CNGB1: variants seen among roughly 807,000 people sequenced by gnomAD.
CNGB1 encodes the protein cyclic nucleotide-gated channel beta-1.
CNGB1 carries 126 observed loss-of-function variants against 151.7 expected under a neutral mutation model. The observed-to-expected ratio is 0.83, with a 90% CI of 0.72 to 0.96. CNGB1 has a LOEUF of 0.96. CNGB1 is among the 40% of genes least tolerant of loss of function. CNGB1 has a pLI of 0.00. For synonymous variants in CNGB1, 623 were observed against 635.1 expected, an observed-to-expected ratio of 0.98 and a Z score of 0.29; for missense variants, 1,698 against 1,627.0, an observed-to-expected ratio of 1.04 and a Z score of -0.75.
At chr16:57,964,799 C>T (rs1333830877) in intron 2 of CNGB1, among the ~76,000 whole-genome samples, 1 of 152,206 alleles carries the variant, frequency 6.6e-6, no homozygotes, top group Admixed American at 6.5e-5. Flanking sequence ...CCAAGCCTCC[C>T]AGGCCTACAA....
At position 57,916,165 on chromosome 16, in the gene CNGB1, G is replaced by A. The variant is rs184804201; in HGVS notation, c.2181C>T (p.Asp727=). 21 of 1,613,886 alleles carry A rather than the reference G, an allele frequency of 1.3e-5. No homozygotes were observed. The East Asian group carries it at 3.3e-4, about 26-fold the overall frequency. The change falls in exon 22 of 33, where the codon GAC becomes GAT. Residue 727 remains aspartate, a synonymous_variant. Transcript: ENST00000251102. ...GAGACTTCAGGTAGTTATTTCGCAT[G>A]TCCTTTTTGTCCGTCTGAAAGAAAG... ...RGGDIITDKK[D]MRNNYLKSRR...
chr16:57,910,923 A>G (rs1960693486), intron 25 of CNGB1, among the ~76,000 whole-genome samples: 1 of 152,056 alleles, frequency 6.6e-6, no homozygotes, highest in African/African-American at 2.4e-5. Flanking sequence ...GGCAAAATAA[A>G]CTTTCTAAAT....
chr16:57,966,098 C>T (rs761922151), intron 2 of CNGB1, among the ~76,000 whole-genome samples: 1 of 152,194 alleles, frequency 6.6e-6, no homozygotes, highest in Non-Finnish European at 1.5e-5. Context: ...CCACCCTCTG[C>T]GTCTAAGAAG....
intron 31 of CNGB1, among the ~76,000 whole-genome samples, chr16:57,891,768 G>A (rs1960098307): frequency 6.6e-6 from 1 of 152,108 alleles, no homozygotes; most frequent in Admixed American, 6.6e-5. Context: ...TGTTGGCCAG[G>A]CTGATCCTGA....
At chr16:57,901,761 T>A (rs1960399558) in intron 27 of CNGB1, 136 bp from the exon 28 acceptor site, 1 of 733,738 alleles carries the variant, frequency 1.4e-6, no homozygotes, top group Non-Finnish European at 2.4e-6. Flanking sequence ...GGATTTGTAG[T>A]GCACCCTCTC....
At position 57,884,449 on chromosome 16, in the gene CNGB1, G is replaced by A; in HGVS notation, c.3471C>T (p.Ser1157=). 1.2e-6 allele frequency: 2 copies of A among 1,613,564 alleles called. No individual in the cohort carries two copies. The highest frequency in any genetic ancestry group is 1.7e-6 in the Non-Finnish European group (2 of 1,179,836). The part of the protein sequence containing the change: ...KQQELVEQAK[S]SQDVKGEEGS... ...CTTCCTCTCCCTTGACGTCTTGCGA[G>A]CTCTTGGCCTGGAATCCAGAAAGGG... The change falls in exon 33 of 33, where the codon AGC becomes AGT. Residue 1157 remains serine, a synonymous_variant. Transcript: ENST00000251102.
In CNGB1 at chr16:57,947,145, A is replaced by G. The variant is rs182552676; in HGVS notation, c.1121+2208T>C. On this transcript the variant is annotated intron_variant, in intron 14 of 32. Transcript: ENST00000251102. ...TGTCTGTGTTGGTGTGCTGGTGCAT[A>G]TGGGTATAGTGCAGATATGTGTGTG... 2.7e-3 allele frequency among the ~76,000 whole-genome samples: 416 copies of G among 152,156 alleles called. 2 individuals are homozygous for G. The highest frequency in any genetic ancestry group is 0.019 in the South Asian group (92 of 4,828).
At chr16:57,924,236 GA>G (rs1459840229) in intron 17 of CNGB1, among the ~76,000 whole-genome samples, 9 of 152,208 alleles carry the variant, frequency 5.9e-5, no homozygotes, top group Admixed American at 4.6e-4. Flanking sequence ...CAGAGAGAAT[GA>G]ATTGGTTTAC....
At chr16:57,911,265 G>A (rs1440248245) in intron 25 of CNGB1, among the ~76,000 whole-genome samples, 1 of 152,170 alleles carries the variant, frequency 6.6e-6, no homozygotes, top group African/African-American at 2.4e-5. Context: ...CCTTAGCTTG[G>A]GGAAGATGTA....
In CNGB1 at chr16:57,952,954, C is replaced by T. The variant is rs549654632; in HGVS notation, c.875-2414G>A. Among the ~76,000 whole-genome samples, 13 of 152,308 alleles carry T rather than the reference C, an allele frequency of 8.5e-5. No homozygotes were observed. In the South Asian group the frequency reaches 2.7e-3, roughly 32 times the overall value. On this transcript the variant is annotated intron_variant, in intron 12 of 32. Coordinates refer to ENST00000251102, the MANE Select transcript of CNGB1 (RefSeq NM_001297.5). ...GATTGGGTATGCTGCCACACAGCCC[C>T]CAGGGCAGGCCCCCAGGAGGCGTGG...
intron 31 of CNGB1, among the ~76,000 whole-genome samples, chr16:57,893,830 A>C (rs562325867): frequency 3.3e-5 from 5 of 152,282 alleles, no homozygotes; most frequent in African/African-American, 1.2e-4. Context: ...AATTTACAGC[A>C]GCAAAGTAGG....
intron 16 of CNGB1, among the ~76,000 whole-genome samples, chr16:57,936,483 T>C (rs1961511420): frequency 6.6e-6 from 1 of 152,306 alleles, no homozygotes; most frequent in East Asian, 1.9e-4. Flanking sequence ...GAAAGGAATA[T>C]ATGTTTAACC....
At chr16:57,897,736 G>A in intron 30 of CNGB1, 60 bp downstream of exon 30, 1 of 1,576,314 alleles carries the variant, frequency 6.3e-7, no homozygotes, top group South Asian at 1.1e-5. Context: ...ACTGCCCGCT[G>A]GCCGCCTTCT....
chr16:57,941,823 T>C (rs185427158), intron 14 of CNGB1, among the ~76,000 whole-genome samples: 1 of 152,218 alleles, frequency 6.6e-6, no homozygotes, highest in East Asian at 1.9e-4. Context: ...TAGTTATTTA[T>C]TTTTCTTTTC....
At chr16:57,903,683 G>T (rs1960451022) in intron 27 of CNGB1, 139 bp downstream of exon 27, 3 of 1,095,252 alleles carry the variant, frequency 2.7e-6, no homozygotes, top group Non-Finnish European at 4.0e-6. Context: ...CAATGTTGGG[G>T]ACACAGCCAA....
intron 17 of CNGB1, among the ~76,000 whole-genome samples, chr16:57,929,029 C>A (rs1451918721): frequency 2.0e-5 from 3 of 152,148 alleles, no homozygotes; most frequent in Non-Finnish European, 4.4e-5. Flanking sequence ...TTATCTCCAT[C>A]TAAAAACTTC....
Position 57,884,256 on chromosome 16 carries a change from A to T in CNGB1, c.3664T>A (p.Ser1222Thr), listed in dbSNP as rs772230733. The T allele has an allele frequency of 4.3e-6, 7 of 1,613,500 alleles. No individual in the cohort carries two copies. In the African/African-American group the frequency reaches 9.4e-5, roughly 22 times the overall value. Residue 1222 changes from serine to threonine, a missense_variant, in exon 33 of 33, where the codon TCG becomes ACG. Coordinates refer to ENST00000251102, the MANE Select transcript of CNGB1 (RefSeq NM_001297.5). ...CCCGGGCTCATGCAGATCCTCACCG[A>T]GTGCTCTTCGGGCTCGGCCGGCCCC... ...EEGPAEPEEH[S>T]VRICMSPGPE...
intron 1 of CNGB1, among the ~76,000 whole-genome samples, chr16:57,969,976 A>G (rs954924305): frequency 2.6e-5 from 4 of 152,154 alleles, no homozygotes; most frequent in Non-Finnish European, 5.9e-5. Context: ...AGGGCAGCCC[A>G]GGCCCAGGAT....
In CNGB1 at chr16:57,967,412, G is replaced by A. The variant is rs190827793; in HGVS notation, c.-8-118C>T. On this transcript the variant is annotated intron_variant, in intron 1 of 32. Coordinates refer to ENST00000251102, the MANE Select transcript of CNGB1 (RefSeq NM_001297.5). Reference sequence around the variant, plus strand: ...CCTTCATCAACTTTAAAAACATTTCGACTGGGTGCGGTGGCTCACACCTGT... The same window carrying A: ...CCTTCATCAACTTTAAAAACATTTCAACTGGGTGCGGTGGCTCACACCTGT... 8.4e-4 allele frequency: 908 copies of A among 1,085,388 alleles called. 4 individuals are homozygous for A. In the African/African-American group the frequency reaches 0.013, roughly 15 times the overall value. The allele number at this position is 1,085,388 out of a possible 1,614,324, so 67.2% of individuals were successfully genotyped here.
Sources: allele counts gnomAD v4.1 joint callset (sites outside exome capture counted in the v4.1 genomes callset), GRCh38; gene constraint gnomAD v4.1.1; transcripts MANE v1.5; gene names NCBI Gene and HGNC (gene_info 2026-07-23, HGNC 2026-07-21).